The following UGT1A7 variants were observed in gnomAD, a reference collection of about 807,000 sequenced individuals.
UGT1A7 encodes the protein UDP-glucuronosyltransferase 1A7.
In UGT1A7, 33 loss-of-function variants were observed where a neutral mutation model predicts 45.6. That is an observed-to-expected ratio of 0.72 (90% confidence interval 0.55 to 0.97). The LOEUF is 0.97. Among genes scored for constraint, UGT1A7 ranks in the 50% least tolerant of loss-of-function variants. UGT1A7 has a pLI of 0.00. For synonymous variants in UGT1A7, 274 were observed against 250.6 expected, an observed-to-expected ratio of 1.09 and a Z score of -0.88; for missense variants, 684 against 666.2, an observed-to-expected ratio of 1.03 and a Z score of -0.29.
intron 4 of UGT1A7, chr2:233,771,210 C>A: frequency 6.6e-6 from 1 of 152,206 alleles, no homozygotes. Context: ...GGACAAATAT[C>A]CAAACTGTAT....
intron 4 of UGT1A7, 145 bp downstream of exon 4, chr2:233,768,584 T>TC: frequency 1.2e-5 from 1 of 86,896 alleles, no homozygotes; most frequent in Non-Finnish European, 1.4e-5. Flanking sequence ...TATTTCTTCT[T>TC]TTTTTTTTTT....
At chr2:233,737,195 G>A (rs1395224472) in intron 1 of UGT1A7, among the ~76,000 whole-genome samples, 2 of 152,236 alleles carry the variant, frequency 1.3e-5, no homozygotes, top group African/African-American at 4.8e-5. Flanking sequence ...CCCTTGCTGA[G>A]CTGCGGTGGA....
At chr2:233,723,877 C>A (rs1300798569) in intron 1 of UGT1A7, among the ~76,000 whole-genome samples, 1 of 40,764 alleles carries the variant, frequency 2.5e-5, no homozygotes, top group East Asian at 4.6e-4. Flanking sequence ...GATCCCAAGG[C>A]AGAGGAATTT....
At chr2:233,743,297 T>C in intron 1 of UGT1A7, 1 of 557,200 alleles carries the variant, frequency 1.8e-6, no homozygotes, top group South Asian at 1.6e-5. Context: ...TTCTCAATGA[T>C]TCTCTTGGTG....
intron 1 of UGT1A7, among the ~76,000 whole-genome samples, chr2:233,707,313 A>G (rs1246275498): frequency 6.6e-6 from 1 of 152,146 alleles, no homozygotes; most frequent in African/African-American, 2.4e-5. Context: ...TTTGTTACAT[A>G]GCTAAACATG....
chr2:233,713,549 G>A (rs1391054862), intron 1 of UGT1A7: 1 of 1,613,986 alleles, frequency 6.2e-7, no homozygotes. Flanking sequence ...AGGGCACACA[G>A]TGTCCAAACC....
In UGT1A7 at chr2:233,725,191, CAGAGGCAGAGGCAGAGGCAGAGGCAGA is replaced by C. The variant is rs1559370256; in HGVS notation, c.856-41842_856-41816del. 1.2e-4 allele frequency among the ~76,000 whole-genome samples: 9 copies of C among 75,260 alleles called. 2 individuals are homozygous for C. Among genetic ancestry groups the C allele is most frequent in the South Asian group, 1.2e-3 (2 of 1,722 alleles). 49.4% of individuals were successfully genotyped at this position (75,260 alleles called of 152,430 possible). A position where few individuals can be genotyped will look rare whatever the true frequency, so the allele number is the denominator to read the frequency against. On this transcript the variant is annotated intron_variant, in intron 1 of 4. Coordinates refer to ENST00000373426, the MANE Select transcript of UGT1A7 (RefSeq NM_019077.3). Reference sequence around the variant, plus strand: ...GGGAGACCGTGGGGAGAGGCAGAGGCAGAGGCAGAGGCAGAGGCAGAGGCAGAGGAGGCAGAGGCAGAGGAGGCAGAG... The same window carrying C: ...GGGAGACCGTGGGGAGAGGCAGAGGCGGAGGCAGAGGCAGAGGAGGCAGAG...
At chr2:233,760,762 A>G in intron 1 of UGT1A7, 9 of 1,614,056 alleles carry the variant, frequency 5.6e-6, no homozygotes, top group Non-Finnish European at 7.6e-6. Flanking sequence ...TTGCAGCCCC[A>G]TCGTGGCCCA....
In UGT1A7 at chr2:233,769,615, T is replaced by C. The variant is rs1284239952; in HGVS notation, c.1295+1176T>C. 10 of 1,612,642 alleles carry C rather than the reference T, an allele frequency of 6.2e-6. No homozygotes were observed. The highest frequency in any genetic ancestry group is 4.5e-5 in the East Asian group (2 of 44,898). On this transcript the variant is annotated intron_variant, in intron 4 of 4. Coordinates refer to ENST00000373426, the MANE Select transcript of UGT1A7 (RefSeq NM_019077.3). This position sits in a 1 kb window ranked among gnomAD's most constrained non-coding sequence, Gnocchi z 4.4. The stretch of plus-strand genomic sequence containing the variant: ...GACGGAACACGGGGACACACCAGCT[T>C]GAGCAAGGGACAACAGGGGAGGACT...
At chr2:233,710,778 A>G (rs2076147755) in intron 1 of UGT1A7, among the ~76,000 whole-genome samples, 1 of 152,244 alleles carries the variant, frequency 6.6e-6, no homozygotes, top group African/African-American at 2.4e-5. Flanking sequence ...CAATTTTAGC[A>G]AACGTTTTGT....
intron 1 of UGT1A7, chr2:233,692,870 G>C (rs540721093): frequency 4.7e-5 from 70 of 1,486,054 alleles, no homozygotes; most frequent in Non-Finnish European, 6.0e-5. Context: ...CATATCAAAG[G>C]GTAAAATTCA....
At chr2:233,747,373 G>C in intron 1 of UGT1A7, 1 of 1,604,624 alleles carries the variant, frequency 6.2e-7, no homozygotes, top group South Asian at 1.1e-5. Flanking sequence ...CTCCATGCCA[G>C]AGGCCACCAG....
chr2:233,703,273 T>C (rs2075729887), intron 1 of UGT1A7, among the ~76,000 whole-genome samples: 1 of 152,226 alleles, frequency 6.6e-6, no homozygotes, highest in Non-Finnish European at 1.5e-5. Flanking sequence ...TTTCTGTTTC[T>C]GTAAGGTTGG....
chr2:233,749,426 C>T (rs1034149432), intron 1 of UGT1A7, among the ~76,000 whole-genome samples: 2 of 151,878 alleles, frequency 1.3e-5, no homozygotes, highest in African/African-American at 4.9e-5. Flanking sequence ...TTGCTCAAAA[C>T]TTCACTGTCA....
chr2:233,705,764 C>CT (rs1233658406), intron 1 of UGT1A7, among the ~76,000 whole-genome samples: 1 of 152,170 alleles, frequency 6.6e-6, no homozygotes, highest in Non-Finnish European at 1.5e-5. Context: ...CAGCTGCATA[C>CT]TTTGAGTGTC....
intron 1 of UGT1A7, among the ~76,000 whole-genome samples, chr2:233,728,369 A>G (rs2008584): frequency 0.53 from 79,890 of 151,692 alleles, 22,359 homozygotes; most frequent in African/African-American, 0.73. Context: ...TGAACCCACC[A>G]TGGGTCTTTG....
intron 1 of UGT1A7, chr2:233,693,919 C>T: frequency 6.2e-7 from 1 of 1,611,200 alleles, no homozygotes; most frequent in Non-Finnish European, 8.5e-7. Flanking sequence ...CTCTGTCCTC[C>T]CTCACTCATT....
rs181203799 is a variant in UGT1A7, at chr2:233,760,152, C to T, written c.856-6882C>T. ...TTCTTTATCTCTGAAAGTGAACTCC[C>T]TGCTACCTTTGTGGACTGACAGCTT... On this transcript the variant is annotated intron_variant, in intron 1 of 4. Transcript: ENST00000373426. 37 of 1,481,016 alleles carry T rather than the reference C, an allele frequency of 2.5e-5. No individual in the cohort carries two copies. The Admixed American group carries it at 2.7e-4, about 11-fold the overall frequency. The allele number at this position is 1,481,016 out of a possible 1,614,324, so 91.7% of individuals were successfully genotyped here. A position where few individuals can be genotyped will look rare whatever the true frequency, so the allele number is the denominator to read the frequency against.
At chr2:233,692,754 G>C (rs1306162834) in intron 1 of UGT1A7, 1 of 1,140,734 alleles carries the variant, frequency 8.8e-7, no homozygotes, top group Non-Finnish European at 1.2e-6. Context: ...GCAGACTTGT[G>C]GAGCTGAAGA....
Sources: gnomAD v4.1 joint callset for allele counts (sites outside exome capture counted in the v4.1 genomes callset) on GRCh38, gnomAD v4.1.1 for gene constraint, Gnocchi (gnomAD v3.1) non-coding constraint, MANE v1.5 for transcripts, NCBI Gene and HGNC (gene_info 2026-07-23, HGNC 2026-07-21) for gene names.